The following GALNT10 variants were observed in gnomAD, a reference collection of about 807,000 sequenced individuals.
GALNT10 encodes the protein GalNAc transferase 10.
A neutral mutation model predicts 75.0 loss-of-function variants in GALNT10; 41 were observed. The ratio of observed to expected loss-of-function variants is 0.55; its 90% confidence interval spans 0.43 to 0.71. The LOEUF (loss-of-function observed/expected upper bound fraction) is 0.71, where lower values mean the gene tolerates loss of function less well. Among genes scored for constraint, GALNT10 ranks in the 30% least tolerant of loss-of-function variants. The pLI is 0.00. For missense variants in GALNT10, 727 were observed against 818.5 expected, an observed-to-expected ratio of 0.89 and a Z score of 1.36; for synonymous variants, 302 against 313.0, an observed-to-expected ratio of 0.96 and a Z score of 0.37.
intron 3 of GALNT10, among the ~76,000 whole-genome samples, chr5:154,322,343 C>T (rs934749257): frequency 1.3e-5 from 2 of 152,152 alleles, no homozygotes; most frequent in Admixed American, 6.5e-5. Flanking sequence ...GAGCCAGCAA[C>T]CGTGGGTGGA....
intron 4 of GALNT10, 54 bp downstream of exon 4, chr5:154,329,792 C>T: frequency 7.5e-7 from 1 of 1,327,280 alleles, no homozygotes; most frequent in Non-Finnish European, 1.1e-6. Flanking sequence ...TGGCGACTCA[C>T]CAAAGGGATG....
intron 8 of GALNT10, among the ~76,000 whole-genome samples, chr5:154,406,788 C>T (rs572342149): frequency 6.6e-6 from 1 of 152,248 alleles, no homozygotes; most frequent in South Asian, 2.1e-4. Context: ...CAGAGCAAGA[C>T]TCCATCTTGG....
chr5:154,323,158 T>C (rs1342100000), intron 3 of GALNT10, among the ~76,000 whole-genome samples: 1 of 152,184 alleles, frequency 6.6e-6, no homozygotes, highest in Non-Finnish European at 1.5e-5. Context: ...GCGGGCCACA[T>C]GGGGTCTCTA....
rs1022412970 is a variant in GALNT10, at chr5:154,210,234, C to T, written c.159+19209C>T. Among the ~76,000 whole-genome samples the T allele has an allele frequency of 8.5e-5, 13 of 152,194 alleles. 1 individual carries two copies. Among genetic ancestry groups the T allele is most frequent in the Admixed American group, 3.3e-4 (5 of 15,278 alleles). ...GCCCTCACCCACCTCTGCCCTCCAA[C>T]GACTCTGATCTCCAACAAGCCATGT... On this transcript the variant is annotated intron_variant, in intron 1 of 11. Coordinates refer to ENST00000297107, the MANE Select transcript of GALNT10 (RefSeq NM_198321.4).
chr5:154,391,468 G>T (rs564879199), intron 7 of GALNT10, among the ~76,000 whole-genome samples: 1 of 152,200 alleles, frequency 6.6e-6, no homozygotes, highest in African/African-American at 2.4e-5. Context: ...CTCCTTCTCT[G>T]TCTGTCTCTC....
rs75438408 is a variant in GALNT10 at position 154,252,373 on chromosome 5, G to C, written c.160-42443G>C. 5.3e-5 allele frequency among the ~76,000 whole-genome samples: 8 copies of C among 152,176 alleles called. No individual in the cohort carries two copies. In the East Asian group the frequency reaches 1.3e-3, roughly 26 times the overall value. On this transcript the variant is annotated intron_variant, in intron 1 of 11. Coordinates refer to ENST00000297107, the MANE Select transcript of GALNT10 (RefSeq NM_198321.4). ...TAGATTCCTTACGGAGCACTAGTGG[G>C]AACAATATTTTCTGAGTACTTAGAT... is the stretch of plus-strand genomic sequence containing the variant.
chr5:154,384,819 A>G (rs995372590), intron 6 of GALNT10, among the ~76,000 whole-genome samples: 2 of 152,244 alleles, frequency 1.3e-5, no homozygotes, highest in South Asian at 2.1e-4. Flanking sequence ...CTTTTTAGCC[A>G]TGGGGCCTTG....
intron 1 of GALNT10, among the ~76,000 whole-genome samples, chr5:154,237,194 G>A (rs6580062): frequency 0.018 from 2,746 of 152,132 alleles, 62 homozygotes; most frequent in African/African-American, 0.062. Context: ...GGACATTGTC[G>A]CCCCCTTTGG....
intron 1 of GALNT10, among the ~76,000 whole-genome samples, chr5:154,265,441 C>T (rs1753763167): frequency 6.6e-6 from 1 of 152,172 alleles, no homozygotes; most frequent in African/African-American, 2.4e-5. Context: ...GGAGCATTTG[C>T]AAAAGTCTTT....
chr5:154,195,841 A>G (rs945569202), intron 1 of GALNT10, among the ~76,000 whole-genome samples: 4 of 152,160 alleles, frequency 2.6e-5, no homozygotes, highest in Non-Finnish European at 5.9e-5. Flanking sequence ...GAGACCAATT[A>G]TCTGCTGGAA....
intron 4 of GALNT10, among the ~76,000 whole-genome samples, chr5:154,354,891 G>A (rs1171103320): frequency 6.6e-6 from 1 of 152,168 alleles, no homozygotes; most frequent in Middle Eastern, 3.2e-3. Context: ...CTGTCACTCC[G>A]TGAACATCAT....
At position 154,298,212 on chromosome 5, in the gene GALNT10, A is replaced by G. The variant is rs1320003686; in HGVS notation, c.401+133A>G. On this transcript the variant is annotated intron_variant, in intron 3 of 11. Coordinates refer to ENST00000297107, the MANE Select transcript of GALNT10 (RefSeq NM_198321.4). The surrounding 1 kb of genome is among the most constrained non-coding windows in gnomAD (Gnocchi z 4.1). The stretch of plus-strand genomic sequence containing the variant: ...TCCTCTTTCACAGGCATTTGTGCAA[A>G]GGTTCATGGTGTTGAGGGGTAGGAG... 1 of 805,724 alleles carries G rather than the reference A, an allele frequency of 1.2e-6. No homozygotes were observed. Among genetic ancestry groups the G allele is most frequent in the African/African-American group, 1.7e-5 (1 of 58,306 alleles). The allele number at this position is 805,724 out of a possible 1,614,324, so 49.9% of individuals were successfully genotyped here.
Position 154,376,219 on chromosome 5 carries a change from T to G in GALNT10, c.569-58T>G. 1 of 1,091,056 alleles carries G rather than the reference T, an allele frequency of 9.2e-7. No homozygotes were observed. Among genetic ancestry groups the G allele is most frequent in the East Asian group, 2.4e-5 (1 of 41,134 alleles). 67.6% of individuals were successfully genotyped at this position (1,091,056 alleles called of 1,614,324 possible). On this transcript the variant is annotated intron_variant, in intron 4 of 11. Coordinates refer to ENST00000297107, the MANE Select transcript of GALNT10 (RefSeq NM_198321.4). This position sits in a 1 kb window ranked among gnomAD's most constrained non-coding sequence, Gnocchi z 4.1. ...GTGCAGTTCACATGTAAGGGAGGAG[T>G]CATAAGGATGACTACTAAGCAACTG... is the stretch of plus-strand genomic sequence containing the variant.
intron 2 of GALNT10, among the ~76,000 whole-genome samples, chr5:154,297,675 A>G (rs928239267): frequency 6.6e-6 from 1 of 152,150 alleles, no homozygotes; most frequent in African/African-American, 2.4e-5. Flanking sequence ...AACCTTTCTC[A>G]GTCTCAGATT....
Position 154,386,350 on chromosome 5 carries a change from C to G in GALNT10, c.976C>G (p.Arg326Gly). The change falls in exon 7 of 12, where the codon CGG becomes GGG. Residue 326 changes from arginine to glycine, a missense_variant. Arg to Gly is a moderately radical substitution (Grantham distance 125). Transcript: ENST00000297107. ...VMAGGLFAVD[R>G]KWFWELGGYD... ...GGCCGGTGGACTGTTCGCCGTGGAT[C>G]GGAAGTGGTTCTGGGAACTCGGCGG... is the stretch of plus-strand genomic sequence containing the variant. 1 of 1,614,038 alleles carries G rather than the reference C, an allele frequency of 6.2e-7. No individual in the cohort carries two copies. Among genetic ancestry groups the G allele is most frequent in the South Asian group, 1.1e-5 (1 of 91,070 alleles).
intron 9 of GALNT10, among the ~76,000 whole-genome samples, chr5:154,410,937 C>A (rs1756386075): frequency 6.6e-6 from 1 of 152,214 alleles, no homozygotes; most frequent in Non-Finnish European, 1.5e-5. Flanking sequence ...GCCAGGCCCT[C>A]CTGAGCATGG....
Position 154,190,832 on chromosome 5 carries a change from G to C in GALNT10, c.-35G>C. The C allele has an allele frequency of 8.9e-7, 1 of 1,122,750 alleles. No homozygotes were observed. The highest frequency in any genetic ancestry group is 1.1e-6 in the Non-Finnish European group (1 of 914,858). The allele number at this position is 1,122,750 out of a possible 1,614,324, so 69.5% of individuals were successfully genotyped here. A position where few individuals can be genotyped will look rare whatever the true frequency, so the allele number is the denominator to read the frequency against. On this transcript the variant is annotated 5_prime_UTR_variant, in exon 1 of 12. Coordinates refer to ENST00000297107, the MANE Select transcript of GALNT10 (RefSeq NM_198321.4). ...GCGCGGAGCTGGGGGCGGCGCGGCGGGGCCGGCGGGGCGCGGCGGGGCTGA... is the reference window on the plus strand; with the variant it reads ...GCGCGGAGCTGGGGGCGGCGCGGCGCGGCCGGCGGGGCGCGGCGGGGCTGA...
rs1554097257 is a variant in GALNT10 at position 154,288,417 on chromosome 5, TGTG to T, written c.160-6398_160-6396del. On this transcript the variant is annotated intron_variant, in intron 1 of 11. Coordinates refer to ENST00000297107, the MANE Select transcript of GALNT10 (RefSeq NM_198321.4). ...AAGATTAAAATTCCATTTGTGTGTG[TGTG>T]TGTGTGTGTGTGTGTGTGTGTGTTT... Among the ~76,000 whole-genome samples the T allele has an allele frequency of 4.1e-4, 53 of 130,030 alleles. 2 individuals are homozygous for T. The highest frequency in any genetic ancestry group is 2.3e-3 in the East Asian group (12 of 5,146). The allele number at this position is 130,030 out of a possible 152,430, so 85.3% of individuals were successfully genotyped here.
chr5:154,293,205 A>C (rs570944999), intron 1 of GALNT10, among the ~76,000 whole-genome samples: 1 of 152,326 alleles, frequency 6.6e-6, no homozygotes, highest in South Asian at 2.1e-4. Flanking sequence ...TGTTAGCACT[A>C]ATGTCCAGCA....
Sources: allele counts gnomAD v4.1 joint callset (sites outside exome capture counted in the v4.1 genomes callset), GRCh38; gene constraint gnomAD v4.1.1; non-coding constraint Gnocchi (gnomAD v3.1); transcripts MANE v1.5; gene names NCBI Gene and HGNC (gene_info 2026-07-23, HGNC 2026-07-21).